The following NDUFAF6 variants were observed in gnomAD, a reference collection of about 807,000 sequenced individuals.
NDUFAF6 encodes NADH dehydrogenase (ubiquinone) complex I, assembly factor 6.
In NDUFAF6, 45 loss-of-function variants were observed where a neutral mutation model predicts 40.8. The ratio of observed to expected loss-of-function variants is 1.10; its 90% CI spans 0.87 to 1.42. The LOEUF (loss-of-function observed/expected upper bound fraction) is 1.42, where lower values mean the gene tolerates loss of function less well. Ranked by LOEUF, NDUFAF6 falls within the 40% of genes most tolerant of loss-of-function variation. NDUFAF6 has a pLI of 0.00. For missense variants in NDUFAF6, 435 were observed against 418.5 expected, an observed-to-expected ratio of 1.04 and a Z score of -0.34; for synonymous variants, 185 against 155.9, an observed-to-expected ratio of 1.19 and a Z score of -1.39.
intron 2 of NDUFAF6, among the ~76,000 whole-genome samples, chr8:95,015,100 G>A (rs964116874): frequency 6.6e-6 from 1 of 152,190 alleles, no homozygotes; most frequent in Non-Finnish European, 1.5e-5. Flanking sequence ...TGGACTGTCT[G>A]GATGGATGAG....
At chr8:94,963,108 G>A (rs181947152) in intron 1 of NDUFAF6, among the ~76,000 whole-genome samples, 2 of 151,878 alleles carry the variant, frequency 1.3e-5, no homozygotes, top group East Asian at 1.9e-4. Context: ...ACTCCTTTTC[G>A]TGTGAGAAAA....
intron 1 of NDUFAF6, among the ~76,000 whole-genome samples, chr8:94,904,313 T>A (rs1375533855): frequency 7.8e-6 from 1 of 128,254 alleles, no homozygotes; most frequent in African/African-American, 2.9e-5. Context: ...CTGGCTAATT[T>A]TTTTTGCTTT....
rs1303306215 is a variant in NDUFAF6, at chr8:94,941,021, G to A, written c.-935-4462G>A. On this transcript the variant is annotated intron_variant, in intron 1 of 14. Coordinates refer to the NDUFAF6 transcript ENST00000396113. ...AACCTTGTCTTTAGTTGGCCCAATG[G>A]TACCGACAGGAGATTAAAGTGCACA... 44 of 1,018,492 alleles carry A rather than the reference G, an allele frequency of 4.3e-5. No individual in the cohort carries two copies. In the Admixed American group the frequency reaches 8.7e-4, roughly 20 times the overall value. 63.1% of individuals were successfully genotyped at this position (1,018,492 alleles called of 1,614,324 possible).
chr8:95,057,602 C>T (rs1243269155), intron 8 of NDUFAF6, among the ~76,000 whole-genome samples: 2 of 152,164 alleles, frequency 1.3e-5, no homozygotes, highest in Admixed American at 6.5e-5. Context: ...TTTTCTGGTA[C>T]TAGCTCTGTG....
At chr8:95,042,231 T>C (rs915437737) in intron 4 of NDUFAF6, among the ~76,000 whole-genome samples, 13 of 152,212 alleles carry the variant, frequency 8.5e-5, no homozygotes, top group Admixed American at 1.3e-4. Context: ...AGTCAGTGAA[T>C]TGCTGTGTGA....
chr8:94,960,491 G>T (rs1433378463), intron 1 of NDUFAF6, among the ~76,000 whole-genome samples: 7 of 152,308 alleles, frequency 4.6e-5, no homozygotes, highest in African/African-American at 1.4e-4. Flanking sequence ...GGCTGTTGTG[G>T]AACTAATGAA....
At chr8:95,004,234 C>A (rs1460389368) in intron 2 of NDUFAF6, among the ~76,000 whole-genome samples, 1 of 152,012 alleles carries the variant, frequency 6.6e-6, no homozygotes, top group Non-Finnish European at 1.5e-5. Context: ...ATGACTATAG[C>A]TCCTAAGGGC....
intron 1 of NDUFAF6, among the ~76,000 whole-genome samples, chr8:95,028,773 G>C (rs1281531336): frequency 6.6e-6 from 1 of 152,122 alleles, no homozygotes; most frequent in Non-Finnish European, 1.5e-5. Flanking sequence ...ATTGTAGTTT[G>C]ATTCCCATTC....
chr8:95,106,061 G>T (rs1809834749), downstream of NDUFAF6, among the ~76,000 whole-genome samples: 1 of 151,990 alleles, frequency 6.6e-6, no homozygotes, highest in Non-Finnish European at 1.5e-5. Context: ...GGATCATGAG[G>T]TCAGGAGATC....
At chr8:94,973,826 C>G (rs568261394) in intron 1 of NDUFAF6, among the ~76,000 whole-genome samples, 3 of 150,498 alleles carry the variant, frequency 2.0e-5, no homozygotes, top group Admixed American at 6.6e-5. Context: ...TCAGGACCAG[C>G]CTGGGCAACA....
At chr8:94,901,449 TGAGGCGACTGAGACAAGTAAAAG>T (rs1389639405) in intron 1 of NDUFAF6, among the ~76,000 whole-genome samples, 1 of 151,882 alleles carries the variant, frequency 6.6e-6, no homozygotes, top group African/African-American at 2.4e-5. Context: ...ATGAATAGAC[TGAGGCGACTGAGACAAGTAAAAG>T]GCAAGCAACT....
chr8:94,913,746 C>T (rs1818937698), intron 1 of NDUFAF6, among the ~76,000 whole-genome samples: 1 of 152,234 alleles, frequency 6.6e-6, no homozygotes, highest in African/African-American at 2.4e-5. Flanking sequence ...CTTCAGTGAG[C>T]TCCCATCACA....
intron 1 of NDUFAF6, among the ~76,000 whole-genome samples, chr8:94,959,091 G>T (rs928400785): frequency 5.3e-5 from 8 of 152,054 alleles, no homozygotes; most frequent in African/African-American, 1.7e-4. Context: ...GGGTGATTGC[G>T]GTAGCAAAGC....
chr8:94,936,643 C>A (rs74542998), intron 1 of NDUFAF6, among the ~76,000 whole-genome samples: 3,111 of 152,162 alleles, frequency 0.02, 36 homozygotes, highest in African/African-American at 0.032. Flanking sequence ...ACAATGAAAA[C>A]CTGGACTTTT....
intron 2 of NDUFAF6, among the ~76,000 whole-genome samples, chr8:95,090,703 T>A (rs929795339): frequency 2.0e-5 from 3 of 152,202 alleles, no homozygotes; most frequent in African/African-American, 7.2e-5. Context: ...ATCCTGGGTC[T>A]GTGAGGGTGT....
intron 1 of NDUFAF6, among the ~76,000 whole-genome samples, chr8:94,944,621 G>A (rs1821832555): frequency 6.6e-6 from 1 of 152,178 alleles, no homozygotes; most frequent in Admixed American, 6.5e-5. Context: ...AGTGAGGGAG[G>A]AGCTCATCCT....
intron 2 of NDUFAF6, among the ~76,000 whole-genome samples, chr8:94,997,346 A>AGG (rs1431847913): frequency 1.7e-5 from 2 of 118,196 alleles, no homozygotes; most frequent in African/African-American, 5.5e-5. Context: ...ACACACACAG[A>AGG]GAGAGAGAGA....
At chr8:94,904,774 A>G (rs760302897) in intron 1 of NDUFAF6, among the ~76,000 whole-genome samples, 1 of 151,622 alleles carries the variant, frequency 6.6e-6, no homozygotes, top group African/African-American at 2.4e-5. Flanking sequence ...ATGCCCTCCC[A>G]TGGTTTGTCA....
chr8:95,107,535 G>A (rs1337698934), downstream of NDUFAF6, among the ~76,000 whole-genome samples: 4 of 152,050 alleles, frequency 2.6e-5, no homozygotes, highest in Admixed American at 6.6e-5. Context: ...TGTAGATGAC[G>A]GGTTGATGGG....
Sources: gnomAD v4.1 joint callset for allele counts (sites outside exome capture counted in the v4.1 genomes callset) on GRCh38, gnomAD v4.1.1 for gene constraint, MANE v1.5 for transcripts, NCBI Gene and HGNC (gene_info 2026-07-23, HGNC 2026-07-21) for gene names.